Variants in LDB2 observed in about 807,000 individuals in gnomAD.
The protein encoded by LDB2 is LIM domain binding 2.
A neutral mutation model predicts 44.3 loss-of-function variants in LDB2; 12 were observed. That is an observed-to-expected ratio of 0.27 (90% CI 0.17 to 0.44). LDB2 has a LOEUF of 0.44. Among genes scored for constraint, LDB2 ranks in the 20% least tolerant of loss-of-function variants. LDB2 has a pLI of 1.00. For synonymous variants in LDB2, 164 were observed against 174.8 expected (o/e 0.94, Z 0.49); for missense variants, 344 against 473.5 (o/e 0.73, Z 2.54).
intron 1 of LDB2, among the ~76,000 whole-genome samples, chr4:16,832,850 A>G (rs207708): frequency 0.63 from 96,184 of 152,030 alleles, 30,552 homozygotes; most frequent in Middle Eastern, 0.72. Context: ...TTGAAATTAG[A>G]AACCTCTCAC....
intron 2 of LDB2, among the ~76,000 whole-genome samples, chr4:16,669,327 T>C (rs1744136664): frequency 6.6e-6 from 1 of 152,174 alleles, no homozygotes; most frequent in Non-Finnish European, 1.5e-5. Context: ...TGGCTGCTCA[T>C]TGGTTTGGGC....
chr4:16,735,182 C>T (rs1229805796), intron 2 of LDB2, among the ~76,000 whole-genome samples: 1 of 152,180 alleles, frequency 6.6e-6, no homozygotes, highest in East Asian at 1.9e-4. Flanking sequence ...GGGCCTCCTG[C>T]CCCTCGCATT....
intron 1 of LDB2, among the ~76,000 whole-genome samples, chr4:16,785,698 A>T (rs191377037): frequency 2.0e-3 from 304 of 152,280 alleles, no homozygotes; most frequent in Non-Finnish European, 3.3e-3. Context: ...GCTGGCTGGC[A>T]GGCTCACACT....
chr4:16,733,772 T>G (rs1391958326), intron 2 of LDB2, among the ~76,000 whole-genome samples: 22 of 152,232 alleles, frequency 1.4e-4, no homozygotes, highest in Admixed American at 1.4e-3. Flanking sequence ...CGCCTTTCCC[T>G]GTCTCAACGA....
chr4:16,664,796 ACT>A (rs1444119540), intron 2 of LDB2, among the ~76,000 whole-genome samples: 1 of 152,180 alleles, frequency 6.6e-6, no homozygotes, highest in African/African-American at 2.4e-5. Flanking sequence ...GCACATTTGT[ACT>A]CTCTGCATGT....
intron 2 of LDB2, among the ~76,000 whole-genome samples, chr4:16,650,835 A>G (rs567100123): frequency 6.6e-6 from 1 of 152,266 alleles, no homozygotes; most frequent in South Asian, 2.1e-4. Flanking sequence ...CTGTCATATC[A>G]ATGGTCACTC....
chr4:16,692,475 T>C (rs1005825616), intron 2 of LDB2, among the ~76,000 whole-genome samples: 7 of 152,222 alleles, frequency 4.6e-5, no homozygotes, highest in Non-Finnish European at 7.3e-5. Context: ...AAAGTAGCGA[T>C]GTACAGGTAC....
intron 1 of LDB2, among the ~76,000 whole-genome samples, chr4:16,771,887 C>T (rs1307035653): frequency 6.6e-6 from 1 of 152,180 alleles, no homozygotes; most frequent in Non-Finnish European, 1.5e-5. Context: ...TTAACAATAC[C>T]CATTAGATTG....
At chr4:16,712,100 A>G (rs1756013045) in intron 2 of LDB2, among the ~76,000 whole-genome samples, 1 of 152,254 alleles carries the variant, frequency 6.6e-6, no homozygotes, top group African/African-American at 2.4e-5. Context: ...GTGCTTCAAG[A>G]GAGATCCTGA....
At position 16,671,864 on chromosome 4, in the gene LDB2, G is replaced by A. The variant is rs752539441; in HGVS notation, c.236-75989C>T. Among the ~76,000 whole-genome samples the A allele has an allele frequency of 1.1e-3, 170 of 151,918 alleles. 1 individual carries two copies. The highest frequency in any genetic ancestry group is 3.1e-4 in the Non-Finnish European group (21 of 68,006). On this transcript the variant is annotated intron_variant, in intron 2 of 7. Coordinates refer to ENST00000304523, the MANE Select transcript of LDB2 (RefSeq NM_001290.5). ...CACTGTCCAGGCAAAAGAAGTAATAGTTGCTTTCCACACAGAATGAAAGTG... is the reference window on the plus strand; with the variant it reads ...CACTGTCCAGGCAAAAGAAGTAATAATTGCTTTCCACACAGAATGAAAGTG...
At chr4:16,549,660 CT>C (rs1476830238) in intron 5 of LDB2, among the ~76,000 whole-genome samples, 1 of 152,158 alleles carries the variant, frequency 6.6e-6, no homozygotes, top group Non-Finnish European at 1.5e-5. Context: ...GTTGAAAGAC[CT>C]GCAATGTTAC....
At chr4:16,872,446 C>CAT (rs897596205) in intron 1 of LDB2, among the ~76,000 whole-genome samples, 2 of 152,074 alleles carry the variant, frequency 1.3e-5, no homozygotes, top group East Asian at 1.9e-4. Context: ...AATGCTATGG[C>CAT]ATATATATAT....
intron 5 of LDB2, among the ~76,000 whole-genome samples, chr4:16,549,198 C>A (rs1736804568): frequency 6.6e-6 from 1 of 152,200 alleles, no homozygotes. Context: ...CTGGTTTCAT[C>A]TGAATGCCCA....
intron 2 of LDB2, among the ~76,000 whole-genome samples, chr4:16,646,214 A>C (rs1736754516): frequency 6.6e-6 from 1 of 152,214 alleles, no homozygotes; most frequent in Admixed American, 6.5e-5. Context: ...TTCACAGTTC[A>C]GTTTTTTAAA....
chr4:16,520,897 C>T (rs1006764698), intron 5 of LDB2, among the ~76,000 whole-genome samples: 14 of 152,166 alleles, frequency 9.2e-5, no homozygotes, highest in African/African-American at 3.4e-4. Flanking sequence ...CTGTTCTTTA[C>T]CTCTGATTCT....
chr4:16,649,401 G>T (rs901430436), intron 2 of LDB2, among the ~76,000 whole-genome samples: 3 of 146,630 alleles, frequency 2.0e-5, no homozygotes, highest in African/African-American at 7.3e-5. Flanking sequence ...TGGCATATGA[G>T]AGAGAGAGAG....
chr4:16,503,598 A>T (rs1431627245), intron 7 of LDB2, among the ~76,000 whole-genome samples: 1 of 152,208 alleles, frequency 6.6e-6, no homozygotes, highest in Non-Finnish European at 1.5e-5. Flanking sequence ...TGAATTTACC[A>T]TCTGTTATTT....
chr4:16,686,128 G>A (rs1024991892), intron 2 of LDB2, among the ~76,000 whole-genome samples: 1 of 152,214 alleles, frequency 6.6e-6, no homozygotes, highest in Non-Finnish European at 1.5e-5. Flanking sequence ...CAGTTTCCCT[G>A]GCCAGAGAGC....
chr4:16,652,099 C>G (rs918692741), intron 2 of LDB2, among the ~76,000 whole-genome samples: 2 of 151,958 alleles, frequency 1.3e-5, no homozygotes, highest in Non-Finnish European at 2.9e-5. Context: ...TACAGAGATG[C>G]GCCACCACAC....
Sources: gnomAD v4.1 joint callset for allele counts (sites outside exome capture counted in the v4.1 genomes callset) on GRCh38, gnomAD v4.1.1 for gene constraint, MANE v1.5 for transcripts, NCBI Gene and HGNC (gene_info 2026-07-23, HGNC 2026-07-21) for gene names.